RPE: variants seen among roughly 807,000 people sequenced by gnomAD.
The protein encoded by RPE is ribulose-5-phosphate-3-epimerase.
RPE carries 16 observed loss-of-function variants against 24.6 expected under a neutral mutation model. That is an observed-to-expected ratio of 0.65 (90% CI 0.44 to 0.99). The LOEUF is 0.99. RPE is among the 50% of genes least tolerant of loss of function. The pLI is 0.00. For synonymous variants in RPE, 93 were observed against 98.4 expected, an observed-to-expected ratio of 0.94 and a Z score of 0.33; for missense variants, 240 against 294.5, an observed-to-expected ratio of 0.81 and a Z score of 1.35.
At chr2:210,019,115 TAA>T (rs1054923835) in intron 5 of RPE, among the ~76,000 whole-genome samples, 1 of 152,176 alleles carries the variant, frequency 6.6e-6, no homozygotes, top group African/African-American at 2.4e-5. Context: ...AAATGTATCT[TAA>T]AAACTTTTTT....
rs1240162930 is a variant in RPE, at chr2:210,020,881, T to C, written c.*1090T>C. 2 of 152,656 alleles carry C rather than the reference T, an allele frequency of 1.3e-5. No homozygotes were observed. Among genetic ancestry groups the C allele is most frequent in the African/African-American group, 2.4e-5 (1 of 41,452 alleles). The allele number at this position is 152,656 out of a possible 1,614,324, so 9.5% of individuals were successfully genotyped here. On this transcript the variant is annotated 3_prime_UTR_variant, in exon 6 of 6. Coordinates refer to ENST00000359429, the MANE Select transcript of RPE (RefSeq NM_199229.3). ...GGAAAGGATCTGGGAAGTGGTAGAA[T>C]TTCTGGTCTGTACTTTTACAAATGG... is the stretch of plus-strand genomic sequence containing the variant.
At chr2:210,015,347 G>A (rs1344242701) in intron 2 of RPE, among the ~76,000 whole-genome samples, 2 of 152,128 alleles carry the variant, frequency 1.3e-5, no homozygotes, top group African/African-American at 2.4e-5. Flanking sequence ...TTTTCCCAGT[G>A]GCCTGCAGAA....
At chr2:210,004,578 A>C (rs1263507901) in intron 1 of RPE, among the ~76,000 whole-genome samples, 1 of 152,250 alleles carries the variant, frequency 6.6e-6, no homozygotes, top group African/African-American at 2.4e-5. Context: ...GCCTCAAAAA[A>C]GCAACTAATA....
intron 4 of RPE, 128 bp from the exon 5 acceptor site, chr2:210,017,345 G>A: frequency 1.4e-6 from 1 of 706,102 alleles, no homozygotes; most frequent in Non-Finnish European, 2.5e-6. Context: ...TATAGTTATT[G>A]TGTGAGACAA....
chr2:210,006,884 G>A (rs1053871245), intron 1 of RPE, among the ~76,000 whole-genome samples: 1 of 152,096 alleles, frequency 6.6e-6, no homozygotes, highest in African/African-American at 2.4e-5. Context: ...GTGTTATTGA[G>A]TGAAAGTGTC....
intron 1 of RPE, among the ~76,000 whole-genome samples, chr2:210,004,660 A>G (rs2093606433): frequency 6.6e-6 from 1 of 152,098 alleles, no homozygotes; most frequent in Admixed American, 6.6e-5. Context: ...CTGCTACCCT[A>G]TAAGCTTCCT....
chr2:210,015,969 C>A lies in RPE; in HGVS notation c.203-4C>A. On this transcript the variant is annotated splice_region_variant and splice_polypyrimidine_tract_variant and intron_variant, in intron 2 of 5. Transcript: ENST00000359429. ...TAATATTTTGAAGTGTCTTTTCTTT[C>A]TAGACATGCACATGATGGTGTCCAA... is the stretch of plus-strand genomic sequence containing the variant. 1 of 1,612,758 alleles carries A rather than the reference C, an allele frequency of 6.2e-7. No individual in the cohort carries two copies.
chr2:210,012,559 A>C (rs945434296), intron 2 of RPE, among the ~76,000 whole-genome samples: 2 of 152,208 alleles, frequency 1.3e-5, no homozygotes, highest in African/African-American at 2.4e-5. Context: ...TGGTTTTCTC[A>C]AGGAAAACCA....
At chr2:210,012,247 C>T (rs1226264755) in intron 2 of RPE, among the ~76,000 whole-genome samples, 5 of 152,168 alleles carry the variant, frequency 3.3e-5, no homozygotes, top group Non-Finnish European at 5.9e-5. Flanking sequence ...AAGACCCTTT[C>T]GGGTCATCCA....
rs760182888 is a variant in RPE at position 210,009,677 on chromosome 2, C to G, written c.143C>G (p.Thr48Ser). 1 of 1,614,130 alleles carries G rather than the reference C, an allele frequency of 6.2e-7. No homozygotes were observed. The highest frequency in any genetic ancestry group is 8.5e-7 in the Non-Finnish European group (1 of 1,180,002). Reference sequence around the variant, plus strand: ...TGTAGGCATTTTGTTCCCAACATCACCTTTGGTCACCCTGTGGTAGAAAGC... The same window carrying G: ...TGTAGGCATTTTGTTCCCAACATCAGCTTTGGTCACCCTGTGGTAGAAAGC... Reference protein sequence around the residue: ...VMDGHFVPNITFGHPVVESLR... With the variant: ...VMDGHFVPNISFGHPVVESLR... Residue 48 changes from threonine (T) to serine (S), a missense_variant, in exon 2 of 6, where the codon ACC becomes AGC. Physicochemically the swap from Thr to Ser is moderately conservative, Grantham distance 58. Coordinates refer to ENST00000359429, the MANE Select transcript of RPE (RefSeq NM_199229.3).
chr2:210,016,898 C>T (rs567091188), intron 4 of RPE, among the ~76,000 whole-genome samples: 1 of 152,286 alleles, frequency 6.6e-6, no homozygotes, highest in South Asian at 2.1e-4. Context: ...GGCTGGAATG[C>T]AGTAATTCAA....
chr2:210,013,366 G>T (rs2093727098), intron 2 of RPE, among the ~76,000 whole-genome samples: 1 of 148,768 alleles, frequency 6.7e-6, no homozygotes, highest in Non-Finnish European at 1.5e-5. Context: ...CTAGAGTGCA[G>T]TGGTGGCCTT....
intron 1 of RPE, among the ~76,000 whole-genome samples, chr2:210,007,741 A>G (rs1244217423): frequency 1.3e-5 from 2 of 152,206 alleles, no homozygotes; most frequent in Non-Finnish European, 1.5e-5. Context: ...TGTTTTATCT[A>G]TAATCACGTT....
chr2:210,002,727 G>C lies in RPE; in HGVS notation c.66G>C (p.Glu22Asp). Residue 22 changes from glutamate to aspartate, a missense_variant, in exon 1 of 6, where the codon GAG becomes GAC. Transcript: ENST00000359429. Reference sequence around the variant, plus strand: ...GCGACCTGGCCAATTTAGGGGCCGAGTGCCTCCGGATGCTAGACTCTGGGG... The same window carrying C: ...GCGACCTGGCCAATTTAGGGGCCGACTGCCTCCGGATGCTAGACTCTGGGG... ...LNSDLANLGA[E>D]CLRMLDSGAD... The C allele has an allele frequency of 6.2e-7, 1 of 1,614,240 alleles. No homozygotes were observed. Among genetic ancestry groups the C allele is most frequent in the South Asian group, 1.1e-5 (1 of 91,090 alleles).
chr2:210,016,478 G>A, intron 3 of RPE, 29 bp from the exon 4 acceptor site: 1 of 1,614,046 alleles, frequency 6.2e-7, no homozygotes, highest in Non-Finnish European at 8.5e-7. Flanking sequence ...AATTGTAAAT[G>A]TGATATAGCA....
intron 1 of RPE, among the ~76,000 whole-genome samples, chr2:210,007,918 T>C (rs1487525788): frequency 2.0e-5 from 3 of 152,214 alleles, no homozygotes; most frequent in Non-Finnish European, 4.4e-5. Flanking sequence ...GTAAGGGCTT[T>C]GTTGGCAGAA....
chr2:210,010,273 A>C (rs1418300245), intron 2 of RPE, among the ~76,000 whole-genome samples: 1 of 152,066 alleles, frequency 6.6e-6, no homozygotes, highest in African/African-American at 2.4e-5. Flanking sequence ...GTGGTGCCTA[A>C]ATATTCACTC....
At chr2:210,016,365 G>C in intron 3 of RPE, 142 bp from the exon 4 acceptor site, 4 of 1,562,520 alleles carry the variant, frequency 2.6e-6, no homozygotes, top group Non-Finnish European at 3.5e-6. Flanking sequence ...GAAAGCTACT[G>C]CTTGTTGAAA....
chr2:210,014,278 A>G (rs561777879), intron 2 of RPE, among the ~76,000 whole-genome samples: 3 of 151,736 alleles, frequency 2.0e-5, no homozygotes, highest in Non-Finnish European at 4.4e-5. Flanking sequence ...TTTAGTAGAG[A>G]TGGGGTTTCA....
Sources: allele counts gnomAD v4.1 joint callset (sites outside exome capture counted in the v4.1 genomes callset), GRCh38; gene constraint gnomAD v4.1.1; transcripts MANE v1.5; gene names NCBI Gene and HGNC (gene_info 2026-07-23, HGNC 2026-07-21).